The following REPS1 variants were observed in gnomAD, a reference collection of about 807,000 sequenced individuals.
The protein encoded by REPS1 is ralBP1-associated Eps domain-containing protein 1.
Under a neutral mutation model 100.9 loss-of-function variants are expected in REPS1, and 39 were observed. That is an observed-to-expected ratio of 0.39 (90% CI 0.30 to 0.50). REPS1 has a LOEUF of 0.50. Among genes scored for constraint, REPS1 ranks in the 20% least tolerant of loss-of-function variants. The pLI is 0.86. For synonymous variants in REPS1, 324 were observed against 340.3 expected, an observed-to-expected ratio of 0.95 and a Z score of 0.53; for missense variants, 821 against 968.5, an observed-to-expected ratio of 0.85 and a Z score of 2.02.
At chr6:138,937,018 C>T (rs897453435) in intron 8 of REPS1, among the ~76,000 whole-genome samples, 2 of 152,178 alleles carry the variant, frequency 1.3e-5, no homozygotes, top group Non-Finnish European at 2.9e-5. Flanking sequence ...TTCCACATGG[C>T]TGGGGAGGCT....
chr6:138,945,818 C>T (rs1782576226), intron 2 of REPS1, 121 bp from the exon 3 acceptor site: 4 of 771,066 alleles, frequency 5.2e-6, no homozygotes, highest in East Asian at 3.0e-5. Flanking sequence ...ACAAGAGGCA[C>T]AAAATGTCTA....
intron 1 of REPS1, among the ~76,000 whole-genome samples, chr6:138,975,187 A>T (rs1784530543): frequency 2.0e-5 from 3 of 152,078 alleles, no homozygotes; most frequent in African/African-American, 7.2e-5. Flanking sequence ...CCACCACATT[A>T]TCTTCTCCCC....
At chr6:138,967,810 C>T (rs1310738697) in intron 1 of REPS1, among the ~76,000 whole-genome samples, 1 of 152,156 alleles carries the variant, frequency 6.6e-6, no homozygotes, top group Non-Finnish European at 1.5e-5. Flanking sequence ...ATATAAAGCA[C>T]TATTCCAAGT....
chr6:138,974,210 G>A (rs939884503), intron 1 of REPS1, among the ~76,000 whole-genome samples: 2 of 152,184 alleles, frequency 1.3e-5, no homozygotes, highest in African/African-American at 4.8e-5. Context: ...GAATGGTACA[G>A]CAATGCCACA....
At chr6:138,933,812 T>A (rs1781627269) in intron 8 of REPS1, among the ~76,000 whole-genome samples, 1 of 152,204 alleles carries the variant, frequency 6.6e-6, no homozygotes, top group Non-Finnish European at 1.5e-5. Context: ...TAATTTCTAA[T>A]AATGTAAGTA....
intron 1 of REPS1, among the ~76,000 whole-genome samples, chr6:138,955,521 G>T (rs879466454): frequency 2.1e-4 from 30 of 144,614 alleles, no homozygotes; most frequent in Admixed American, 4.2e-4. Context: ...AACTATGAGT[G>T]ACTATTACAT....
In REPS1 at chr6:138,988,190, G is replaced by A; in HGVS notation, c.-508C>T. The stretch of plus-strand genomic sequence containing the variant: ...CTGGGCTGAGCGTGGCCGCCGCTCC[G>A]CCTCCCTCCGCCGCCATTTACAGTG... On this transcript the variant is annotated 5_prime_UTR_variant, in exon 1 of 20. Coordinates refer to ENST00000450536, the MANE Select transcript of REPS1 (RefSeq NM_001286611.2). 2.5e-6 allele frequency: 1 copy of A among 398,492 alleles called. No individual in the cohort carries two copies. Among genetic ancestry groups the A allele is most frequent in the Non-Finnish European group, 4.4e-6 (1 of 226,096 alleles). 24.7% of individuals were successfully genotyped at this position (398,492 alleles called of 1,614,324 possible). A position where few individuals can be genotyped will look rare whatever the true frequency, so the allele number is the denominator to read the frequency against.
Position 138,971,255 on chromosome 6 carries a change from C to T in REPS1, c.153+16275G>A, listed in dbSNP as rs535144693. Among the ~76,000 whole-genome samples the T allele has an allele frequency of 2.0e-5, 3 of 152,278 alleles. No homozygotes were observed. In the East Asian group the frequency reaches 5.8e-4, roughly 29 times the overall value. On this transcript the variant is annotated intron_variant, in intron 1 of 19. Transcript: ENST00000450536. The stretch of plus-strand genomic sequence containing the variant: ...TCATTAGCTTTCAAAGTTTTAAGAT[C>T]TGCAGTTTCTACTATTCCTATGAGA...
At chr6:138,945,966 A>T (rs1027952666) in intron 2 of REPS1, among the ~76,000 whole-genome samples, 3 of 152,160 alleles carry the variant, frequency 2.0e-5, no homozygotes, top group African/African-American at 7.2e-5. Context: ...GTTTGGCCCT[A>T]TACTTGCCAC....
At position 138,915,445 on chromosome 6, in the gene REPS1, T is replaced by C. The variant is rs544174568; in HGVS notation, c.1720+413A>G. 2.1e-5 allele frequency among the ~76,000 whole-genome samples: 3 copies of C among 142,890 alleles called. No homozygotes were observed. In the East Asian group the frequency reaches 5.9e-4, roughly 28 times the overall value. The allele number at this position is 142,890 out of a possible 152,430, so 93.7% of individuals were successfully genotyped here. A position where few individuals can be genotyped will look rare whatever the true frequency, so the allele number is the denominator to read the frequency against. On this transcript the variant is annotated intron_variant, in intron 14 of 19. Transcript: ENST00000450536. ...CTGTCTTTTAATCCAAAATTTTCCT[T>C]CAGATAATTTTTTTTTTTTTTTTTG...
At chr6:138,980,429 C>T (rs1479621443) in intron 1 of REPS1, among the ~76,000 whole-genome samples, 5 of 152,192 alleles carry the variant, frequency 3.3e-5, no homozygotes, top group Non-Finnish European at 7.3e-5. Context: ...CTGCCTTATG[C>T]AGTCCCTGCC....
chr6:138,957,974 A>AAC (rs1783503927), intron 1 of REPS1, among the ~76,000 whole-genome samples: 1 of 152,244 alleles, frequency 6.6e-6, no homozygotes, highest in Admixed American at 6.5e-5. Context: ...ACCACTAAGA[A>AAC]ACCGAGTGGG....
intron 12 of REPS1, among the ~76,000 whole-genome samples, chr6:138,918,152 T>C (rs1180708747): frequency 6.6e-6 from 1 of 152,090 alleles, no homozygotes; most frequent in Non-Finnish European, 1.5e-5. Context: ...GGTCTCGCTA[T>C]ATTGTCCAGT....
At chr6:138,986,796 G>C (rs1174870726) in intron 1 of REPS1, among the ~76,000 whole-genome samples, 1 of 152,224 alleles carries the variant, frequency 6.6e-6, no homozygotes, top group East Asian at 1.9e-4. Flanking sequence ...ATAAAAAAAG[G>C]CTTTAAACCT....
intron 8 of REPS1, among the ~76,000 whole-genome samples, chr6:138,933,754 T>TTTGTTA: frequency 6.6e-6 from 1 of 152,214 alleles, no homozygotes; most frequent in Non-Finnish European, 1.5e-5. Context: ...AGGTAATGGA[T>TTTGTTA]TTGTTATTGC....
At position 138,953,679 on chromosome 6, in the gene REPS1, A is replaced by C. The variant is rs1582815981; in HGVS notation, c.154-5766T>G. Among the ~76,000 whole-genome samples, 8 of 84,852 alleles carry C rather than the reference A, an allele frequency of 9.4e-5. 2 individuals carry two copies. The highest frequency in any genetic ancestry group is 7.3e-4 in the Admixed American group (8 of 10,890). 55.7% of individuals were successfully genotyped at this position (84,852 alleles called of 152,430 possible). On this transcript the variant is annotated intron_variant, in intron 1 of 19. Coordinates refer to ENST00000450536, the MANE Select transcript of REPS1 (RefSeq NM_001286611.2). ...TCTCACCCCAGGGAGGCTGGCTATT[A>C]TCAAAAAAAAAAAAAAAAATGCTGG... is the stretch of plus-strand genomic sequence containing the variant.
intron 1 of REPS1, among the ~76,000 whole-genome samples, chr6:138,953,075 G>C (rs1229966678): frequency 2.0e-5 from 3 of 152,050 alleles, no homozygotes; most frequent in Non-Finnish European, 4.4e-5. Context: ...GACCTCAAGT[G>C]ATCTGCCCGC....
chr6:138,943,538 G>C lies in REPS1; in HGVS notation c.955C>G (p.Pro319Ala). ...AKEFFTKSKL[P>A]ILELSHIWEL... ...CAAATATGAGAAAGTTCAAGAATAG[G>C]AAGTTTTGATTTTGTAAAAAACTCT... Residue 319 changes from proline to alanine, a missense_variant, in exon 7 of 20, where the codon CCT (proline) becomes GCT (alanine). Around this residue, in one of 3 missense-constraint regions of REPS1, gnomAD observed 757 missense variants for 866.4 expected, o/e 0.87. Coordinates refer to ENST00000450536, the MANE Select transcript of REPS1 (RefSeq NM_001286611.2). 6.3e-7 allele frequency: 1 copy of C among 1,590,382 alleles called. No individual in the cohort carries two copies. Among genetic ancestry groups the C allele is most frequent in the African/African-American group, 1.3e-5 (1 of 74,468 alleles).
chr6:138,949,020 G>C (rs984332951), intron 1 of REPS1, among the ~76,000 whole-genome samples: 5 of 152,208 alleles, frequency 3.3e-5, no homozygotes, highest in African/African-American at 4.8e-5. Context: ...AAACAGGCAG[G>C]TTAACACCAT....
Sources: gnomAD v4.1 joint callset for allele counts (sites outside exome capture counted in the v4.1 genomes callset) on GRCh38, gnomAD v4.1.1 for gene constraint, gnomAD v4.1.1 regional missense constraint, MANE v1.5 for transcripts, NCBI Gene and HGNC (gene_info 2026-07-23, HGNC 2026-07-21) for gene names.